The following AGBL3 variants were observed in gnomAD, a reference collection of about 807,000 sequenced individuals.
The protein encoded by AGBL3 is cytosolic carboxypeptidase 3.
Under a neutral mutation model 94.5 loss-of-function variants are expected in AGBL3, and 68 were observed. That is an observed-to-expected ratio of 0.72 (90% CI 0.59 to 0.88). The LOEUF (loss-of-function observed/expected upper bound fraction) is 0.88, where lower values mean the gene tolerates loss of function less well. AGBL3 is among the 40% of genes least tolerant of loss of function. The pLI is 0.00. For missense variants in AGBL3, 934 were observed against 1,103.8 expected (o/e 0.85, Z 2.18); for synonymous variants, 354 against 370.7 (o/e 0.95, Z 0.52).
At chr7:135,082,704 T>C (rs1369925724) in intron 15 of AGBL3, among the ~76,000 whole-genome samples, 1 of 152,172 alleles carries the variant, frequency 6.6e-6, no homozygotes, top group African/African-American at 2.4e-5. Flanking sequence ...ACTTATTATT[T>C]GGTTCATTGT....
In AGBL3 at chr7:135,112,597, T is replaced by C. The variant is rs1037796673; in HGVS notation, c.2111-2783T>C. Among the ~76,000 whole-genome samples, 6 of 152,320 alleles carry C rather than the reference T, an allele frequency of 3.9e-5. No individual in the cohort carries two copies. In the South Asian group the frequency reaches 6.2e-4, roughly 16 times the overall value. On this transcript the variant is annotated intron_variant, in intron 15 of 16. Transcript: ENST00000436302. ...TTGCCCCCATCTATAAGTATGGCTA[T>C]AAGTATATGTATGTAGTGAGTGCCC...
At chr7:135,001,799 C>G (rs1485489114) in intron 4 of AGBL3, among the ~76,000 whole-genome samples, 1 of 152,200 alleles carries the variant, frequency 6.6e-6, no homozygotes, top group African/African-American at 2.4e-5. Context: ...CAGGATTTGC[C>G]TCAACACTTT....
At chr7:135,081,466 G>T (rs778068600) in intron 14 of AGBL3, among the ~76,000 whole-genome samples, 4 of 151,922 alleles carry the variant, frequency 2.6e-5, no homozygotes, top group Admixed American at 6.6e-5. Flanking sequence ...CTTTATAACT[G>T]TCTATTTGTG....
chr7:135,028,592 C>G (rs891483064), intron 5 of AGBL3, among the ~76,000 whole-genome samples: 3 of 152,146 alleles, frequency 2.0e-5, no homozygotes, highest in Non-Finnish European at 4.4e-5. Flanking sequence ...CAGTTACTTC[C>G]TCCAGTGAAG....
chr7:135,068,838 A>G (rs144387927), intron 12 of AGBL3, among the ~76,000 whole-genome samples: 1 of 152,196 alleles, frequency 6.6e-6, no homozygotes, highest in African/African-American at 2.4e-5. Context: ...CTAACGAGCA[A>G]AATAACCAGC....
At chr7:135,022,854 G>A (rs1368799931) in intron 5 of AGBL3, among the ~76,000 whole-genome samples, 2 of 151,974 alleles carry the variant, frequency 1.3e-5, no homozygotes, top group Admixed American at 6.6e-5. Flanking sequence ...TATAATTATT[G>A]TTGTTGGATT....
chr7:135,066,912 C>T (rs928342770), intron 12 of AGBL3, among the ~76,000 whole-genome samples: 8 of 152,156 alleles, frequency 5.3e-5, no homozygotes, highest in African/African-American at 9.7e-5. Context: ...TGCAGTGCAC[C>T]GAGCATGAGC....
chr7:135,045,634 C>T (rs1817283497), intron 10 of AGBL3, 60 bp downstream of exon 10: 7 of 1,434,952 alleles, frequency 4.9e-6, no homozygotes, highest in Non-Finnish European at 6.7e-6. Context: ...CATAAGCTGA[C>T]TATGGGCCTA....
At chr7:135,073,257 G>A (rs1291703026) in intron 12 of AGBL3, among the ~76,000 whole-genome samples, 2 of 152,004 alleles carry the variant, frequency 1.3e-5, no homozygotes, top group Non-Finnish European at 2.9e-5. Flanking sequence ...CACGAGGTCA[G>A]AAGTTCAAGA....
intron 1 of AGBL3, 72 bp from the exon 2 acceptor site, chr7:134,987,803 A>G: frequency 1.5e-6 from 1 of 647,942 alleles, no homozygotes; most frequent in Admixed American, 3.3e-5. Flanking sequence ...AATTGAATAT[A>G]TTTTTGAGTA....
intron 15 of AGBL3, among the ~76,000 whole-genome samples, chr7:135,085,826 G>A (rs1421103564): frequency 1.3e-5 from 2 of 151,850 alleles, no homozygotes; most frequent in Non-Finnish European, 2.9e-5. Flanking sequence ...TGCTATTTGG[G>A]GTCTTCCATG....
chr7:135,087,083 T>C (rs1176577172), intron 15 of AGBL3, among the ~76,000 whole-genome samples: 2 of 152,030 alleles, frequency 1.3e-5, no homozygotes, highest in Non-Finnish European at 2.9e-5. Flanking sequence ...GTAGATTGTA[T>C]GTGTCTAGAA....
intron 16 of AGBL3, among the ~76,000 whole-genome samples, chr7:135,116,496 G>T (rs567142576): frequency 1.3e-5 from 2 of 152,134 alleles, no homozygotes; most frequent in Non-Finnish European, 2.9e-5. Context: ...CTCTTCACTA[G>T]GCCTCCTCTG....
chr7:135,017,544 T>C (rs183776698), intron 5 of AGBL3, among the ~76,000 whole-genome samples: 29 of 152,362 alleles, frequency 1.9e-4, no homozygotes, highest in Non-Finnish European at 4.1e-4. Flanking sequence ...CTGACTCTGA[T>C]GCATTTCTTG....
chr7:135,096,711 A>G (rs1161486948), intron 15 of AGBL3, among the ~76,000 whole-genome samples: 1 of 149,754 alleles, frequency 6.7e-6, no homozygotes, highest in Non-Finnish European at 1.5e-5. Context: ...AAAAGAGGGA[A>G]GAAAGAAAGA....
At chr7:135,115,653 T>G (rs1433689004) in intron 16 of AGBL3, 42 bp downstream of exon 16, 2 of 1,403,406 alleles carry the variant, frequency 1.4e-6, no homozygotes, top group East Asian at 5.1e-5. Flanking sequence ...ATTTAACACA[T>G]CTTTTTTAAA....
At chr7:135,022,238 G>A (rs35695681) in intron 5 of AGBL3, among the ~76,000 whole-genome samples, 13 of 152,210 alleles carry the variant, frequency 8.5e-5, no homozygotes, top group South Asian at 6.2e-4. Context: ...TTGAGGAATC[G>A]CCACACTTTA....
intron 16 of AGBL3, chr7:135,128,862 C>A: frequency 8.0e-7 from 1 of 1,256,172 alleles, no homozygotes; most frequent in Non-Finnish European, 1.2e-6. Context: ...AAATATGATC[C>A]AGGAAATCTT....
intron 11 of AGBL3, among the ~76,000 whole-genome samples, chr7:135,047,705 T>A (rs571849038): frequency 1.3e-5 from 2 of 152,170 alleles, no homozygotes; most frequent in South Asian, 2.1e-4. Flanking sequence ...GCCCATTTTA[T>A]AACAAAATCA....
Sources: allele counts gnomAD v4.1 joint callset (sites outside exome capture counted in the v4.1 genomes callset), GRCh38; gene constraint gnomAD v4.1.1; transcripts MANE v1.5; gene names NCBI Gene and HGNC (gene_info 2026-07-23, HGNC 2026-07-21).